The following SYVN1 variants were observed in gnomAD, a reference collection of about 807,000 sequenced individuals.
SYVN1 encodes the protein E3 ubiquitin-protein ligase synoviolin.
Under a neutral mutation model 62.6 loss-of-function variants are expected in SYVN1, and 17 were observed. That is an observed-to-expected ratio of 0.27 (90% CI 0.19 to 0.41). SYVN1 has a LOEUF of 0.41. SYVN1 is among the 10% of genes least tolerant of loss of function. The pLI, the probability that SYVN1 is intolerant of heterozygous loss-of-function variation, is 1.00. For missense variants in SYVN1, 634 were observed against 818.0 expected, an observed-to-expected ratio of 0.78 and a Z score of 2.74; for synonymous variants, 316 against 304.0, an observed-to-expected ratio of 1.04 and a Z score of -0.41.
In SYVN1 at chr11:65,131,055, GC is replaced by G. The variant is rs746722123; in HGVS notation, c.825-20del. On this transcript the variant is annotated intron_variant, in intron 9 of 15. Transcript: ENST00000377190. ...TGGATACCTGGTTAGGATGACAGGG[GC>G]TGTATCAGGTCCAGAGCTGGAAGCA... is the stretch of plus-strand genomic sequence containing the variant. 1.2e-6 allele frequency: 2 copies of G among 1,613,604 alleles called. No homozygotes were observed. Among genetic ancestry groups the G allele is most frequent in the Non-Finnish European group, 1.7e-6 (2 of 1,179,444 alleles).
Position 65,132,717 on chromosome 11 carries a change from C to A in SYVN1, c.427+15G>T. On this transcript the variant is annotated intron_variant, in intron 5 of 15. Coordinates refer to ENST00000377190, the MANE Select transcript of SYVN1 (RefSeq NM_172230.3). ...CGTTCCAGTCCTCCCTTCCCCTCCC[C>A]TGAATCTCACTCACAGACAATGCGG... 1 of 1,614,110 alleles carries A rather than the reference C, an allele frequency of 6.2e-7. No individual in the cohort carries two copies. The highest frequency in any genetic ancestry group is 1.3e-5 in the African/African-American group (1 of 75,038).
Position 65,132,260 on chromosome 11 carries a change from C to G in SYVN1, c.519G>C (p.Val173=). 6.2e-7 allele frequency: 1 copy of G among 1,614,032 alleles called. No homozygotes were observed. The highest frequency in any genetic ancestry group is 8.5e-7 in the Non-Finnish European group (1 of 1,179,902). ...ILTRGASVQL[V]FGFEYAILMT... Reference sequence around the variant, plus strand: ...AAGCCAGTTTTACCTCAAAGCCAAACACCAGCTGCACAGAGGCCCCACGGG... The same window carrying G: ...AAGCCAGTTTTACCTCAAAGCCAAAGACCAGCTGCACAGAGGCCCCACGGG... Residue 173 remains valine, a synonymous_variant, in exon 6 of 16, where the codon GTG becomes GTC. Coordinates refer to ENST00000377190, the MANE Select transcript of SYVN1 (RefSeq NM_172230.3).
intron 6 of SYVN1, among the ~76,000 whole-genome samples, chr11:65,131,887 G>C (rs953282841): frequency 1.3e-5 from 2 of 152,126 alleles, no homozygotes; most frequent in African/African-American, 4.8e-5. Context: ...TGTGAAATTC[G>C]CACTCAACAA....
rs750252371 is a variant in SYVN1, at chr11:65,128,572, T to A, written c.1738A>T (p.Arg580Trp). 1.2e-6 allele frequency: 2 copies of A among 1,613,914 alleles called. No individual in the cohort carries two copies. Among genetic ancestry groups the A allele is most frequent in the African/African-American group, 2.7e-5 (2 of 74,904 alleles). The change falls in exon 15 of 16, where the codon AGG becomes TGG. Residue 580 changes from arginine (R) to tryptophan (W), a missense_variant. Transcript: ENST00000377190. ...GGCCAATCACACCTACCTGGAGGCCTTTCCATTTCAGGGGCTGGTGGGGAG... is the reference window on the plus strand; with the variant it reads ...GGCCAATCACACCTACCTGGAGGCCATTCCATTTCAGGGGCTGGTGGGGAG... ...GASPPAPEME[R>W]PPAPESVGTE...
At position 65,130,781 on chromosome 11, in the gene SYVN1, G is replaced by C. The variant is rs781507305; in HGVS notation, c.984C>G (p.Thr328=). The C allele has an allele frequency of 2.6e-6, 4 of 1,547,024 alleles. No homozygotes were observed. Among genetic ancestry groups the C allele is most frequent in the Non-Finnish European group, 3.5e-6 (4 of 1,152,122 alleles). The stretch of plus-strand genomic sequence containing the variant: ...ATGCACGAAGGACATCCATACGGCA[G>C]GTGGGGCAGGTCTGCTGCCGCTGGA... ...SWFQRQQTCP[T]CRMDVLRASL... The change falls in exon 11 of 16, where the codon ACC becomes ACG. Residue 328 remains threonine (T), a synonymous_variant. Coordinates refer to ENST00000377190, the MANE Select transcript of SYVN1 (RefSeq NM_172230.3).
In SYVN1 at chr11:65,132,739, G is replaced by T. The variant is rs1489537454; in HGVS notation, c.420C>A (p.Arg140=). The T allele has an allele frequency of 1.2e-5, 20 of 1,614,050 alleles. No individual in the cohort carries two copies. The highest frequency in any genetic ancestry group is 1.7e-5 in the Non-Finnish European group (20 of 1,180,036). ...SPNISWLFHC[R]IVSLMFLLGI... ...CCCCTGAATCTCACTCACAGACAAT[G>T]CGGCAGTGAAAGAGCCAGGAGATGT... Residue 140 remains arginine, a synonymous_variant, in exon 5 of 16, where the codon CGC becomes CGA. Transcript: ENST00000377190.
At chr11:65,132,377 G>A in intron 5 of SYVN1, 26 bp from the exon 6 acceptor site, 1 of 1,542,516 alleles carries the variant, frequency 6.5e-7, no homozygotes, top group Non-Finnish European at 9.0e-7. Flanking sequence ...CACATGCAGG[G>A]TGGGGGGGTC....
chr11:65,132,466 G>A (rs1799713234), intron 5 of SYVN1, 115 bp from the exon 6 acceptor site: 5 of 804,120 alleles, frequency 6.2e-6, no homozygotes, highest in Non-Finnish European at 1.0e-5. Flanking sequence ...GATCTAGTCA[G>A]GTGGGCACAC....
intron 2 of SYVN1, 24 bp downstream of exon 2, chr11:65,133,446 T>C (rs1433736088): frequency 8.7e-6 from 14 of 1,610,518 alleles, no homozygotes; most frequent in Non-Finnish European, 1.1e-5. Flanking sequence ...AGGGAGTTCC[T>C]CCCTCCCTGA....
chr11:65,131,740 C>T (rs1427374972), intron 6 of SYVN1, 144 bp from the exon 7 acceptor site: 3 of 932,146 alleles, frequency 3.2e-6, no homozygotes, highest in Admixed American at 5.6e-5. Context: ...AGCCCCTCCA[C>T]TTACTAGCTG....
Position 65,133,202 on chromosome 11 carries a change from C to A in SYVN1, c.183G>T (p.Met61Ile). Residue 61 changes from methionine (M) to isoleucine (I), a missense_variant, in exon 3 of 16, where the codon ATG (methionine) becomes ATT (isoleucine). This residue lies in a region of SYVN1 where 283 missense variants were observed against 444.7 expected (regional missense o/e 0.64). Coordinates refer to ENST00000377190, the MANE Select transcript of SYVN1 (RefSeq NM_172230.3). ...FVLVFLLGKV[M>I]GKVFFGQLRA... The stretch of plus-strand genomic sequence containing the variant: ...TCAGTTGCCCAAAGAACACCTTGCC[C>A]ATCACCTTGCCCAGAAGGAAGACAA... 1 of 1,614,174 alleles carries A rather than the reference C, an allele frequency of 6.2e-7. No individual in the cohort carries two copies. Among genetic ancestry groups the A allele is most frequent in the Non-Finnish European group, 8.5e-7 (1 of 1,180,032 alleles).
intron 5 of SYVN1, 52 bp downstream of exon 5, chr11:65,132,680 G>C: frequency 6.3e-7 from 1 of 1,590,788 alleles, no homozygotes; most frequent in Non-Finnish European, 8.6e-7. Flanking sequence ...TGGAGTACAG[G>C]TCCACGGTTC....
At chr11:65,133,319 C>T (rs768590075) in intron 2 of SYVN1, 67 bp from the exon 3 acceptor site, 596 of 1,583,930 alleles carry the variant, frequency 3.8e-4, no homozygotes, top group Non-Finnish European at 4.2e-4. Context: ...ACTCATCATG[C>T]AGGATCCTCC....
In SYVN1 at chr11:65,128,012, G is replaced by A. The variant is rs900863325; in HGVS notation, c.*370C>T. ...TTGGGAACGGGAGCTAATACTGTTC[G>A]GCACTGCAGTGTGACTCCGCACATA... On this transcript the variant is annotated 3_prime_UTR_variant, in exon 16 of 16. Coordinates refer to ENST00000377190, the MANE Select transcript of SYVN1 (RefSeq NM_172230.3). 4 of 333,842 alleles carry A rather than the reference G, an allele frequency of 1.2e-5. No individual in the cohort carries two copies. The highest frequency in any genetic ancestry group is 4.3e-5 in the African/African-American group (2 of 46,748). The allele number at this position is 333,842 out of a possible 1,614,324, so 20.7% of individuals were successfully genotyped here.
chr11:65,130,878 G>C, intron 10 of SYVN1, 42 bp downstream of exon 10: 1 of 1,611,926 alleles, frequency 6.2e-7, no homozygotes, highest in Non-Finnish European at 8.5e-7. Context: ...TGCCTTCTGG[G>C]GCCTGTGCCC....
At chr11:65,128,979 G>A (rs973508511) in intron 14 of SYVN1, 5 of 468,994 alleles carry the variant, frequency 1.1e-5, no homozygotes, top group African/African-American at 2.0e-5. Flanking sequence ...TCTCCACCCT[G>A]GGGAGTCAGG....
Position 65,132,964 on chromosome 11 carries a change from G to A in SYVN1, c.336C>T (p.Phe112=). ...RFVALFTLLL[F]LKCFHWLAED... ...CAGCCAGCCAGTGGAAACATTTGAG[G>A]AAGAGAAGAAGAGTGAAGAGTGCAA... Residue 112 remains phenylalanine (F), a synonymous_variant, in exon 4 of 16, where the codon TTC becomes TTT. Coordinates refer to ENST00000377190, the MANE Select transcript of SYVN1 (RefSeq NM_172230.3). The A allele has an allele frequency of 2.5e-6, 4 of 1,614,198 alleles. No homozygotes were observed. Among genetic ancestry groups the A allele is most frequent in the Non-Finnish European group, 3.4e-6 (4 of 1,180,044 alleles).
At position 65,133,164 on chromosome 11, in the gene SYVN1, A is replaced by G. The variant is rs932682553; in HGVS notation, c.221T>C (p.Met74Thr). The G allele has an allele frequency of 6.2e-7, 1 of 1,614,048 alleles. No homozygotes were observed. The highest frequency in any genetic ancestry group is 8.5e-7 in the Non-Finnish European group (1 of 1,179,974). Residue 74 changes from methionine to threonine, a missense_variant, in exon 3 of 16, where the codon ATG (methionine) becomes ACG (threonine). By Grantham distance (81) the Met-to-Thr change is moderately conservative (BLOSUM62 -1). Around this residue, in one of 2 missense-constraint regions of SYVN1, gnomAD observed 283 missense variants for 444.7 expected, o/e 0.64. Transcript: ENST00000377190. ...VFFGQLRAAEMEHLLERSWYA... is the reference protein window; with the variant it reads ...VFFGQLRAAETEHLLERSWYA... ...TTGGGGCAGCCGACATCTTACCTCC[A>G]TCTCTGCTGCCCTCAGTTGCCCAAA... is the stretch of plus-strand genomic sequence containing the variant.
Position 65,131,128 on chromosome 11 carries a change from T to C in SYVN1, c.824+4A>G. 3 of 1,614,180 alleles carry C rather than the reference T, an allele frequency of 1.9e-6. No individual in the cohort carries two copies. Among genetic ancestry groups the C allele is most frequent in the Non-Finnish European group, 2.5e-6 (3 of 1,180,010 alleles). On this transcript the variant is annotated splice_donor_region_variant and intron_variant, in intron 9 of 15. Coordinates refer to ENST00000377190, the MANE Select transcript of SYVN1 (RefSeq NM_172230.3). Reference sequence around the variant, plus strand: ...GGGACAGCAGCCATGACAAGCCTACTTACAGGGTGTTCATGTTGCGGATGG... The same window carrying C: ...GGGACAGCAGCCATGACAAGCCTACCTACAGGGTGTTCATGTTGCGGATGG...
Sources: allele counts gnomAD v4.1 joint callset (sites outside exome capture counted in the v4.1 genomes callset), GRCh38; gene constraint gnomAD v4.1.1; regional missense constraint gnomAD v4.1.1; transcripts MANE v1.5; gene names NCBI Gene and HGNC (gene_info 2026-07-23, HGNC 2026-07-21).